Variants in RUFY4 observed in about 807,000 individuals in gnomAD.
RUFY4 encodes RUN and FYVE domain containing 4, also known as RUN and FYVE domain-containing protein 4.
A neutral mutation model predicts 69.0 loss-of-function variants in RUFY4; 73 were observed. That is an observed-to-expected ratio of 1.06 (90% CI 0.88 to 1.29). The LOEUF (loss-of-function observed/expected upper bound fraction) is 1.29, where lower values mean the gene tolerates loss of function less well. Ranked by LOEUF, RUFY4 falls within the 50% of genes most tolerant of loss-of-function variation. The pLI is 0.00. For missense variants in RUFY4, 770 were observed against 705.6 expected (o/e 1.09, Z -1.03); for synonymous variants, 287 against 271.8 (o/e 1.06, Z -0.55).
chr2:218,062,689 C>T (rs776134860), intron 3 of RUFY4, among the ~76,000 whole-genome samples: 4 of 151,694 alleles, frequency 2.6e-5, no homozygotes, highest in Admixed American at 1.3e-4. Context: ...CCAGCCTGGG[C>T]GACAGAGCAA....
chr2:218,084,194 G>T (rs1689835601), intron 9 of RUFY4, among the ~76,000 whole-genome samples: 1 of 151,938 alleles, frequency 6.6e-6, no homozygotes, highest in African/African-American at 2.4e-5. Context: ...GTGGACTCAG[G>T]TTCCATTAAA....
At chr2:218,053,751 G>A (rs1416556324) in intron 2 of RUFY4, among the ~76,000 whole-genome samples, 2 of 152,130 alleles carry the variant, frequency 1.3e-5, no homozygotes, top group Non-Finnish European at 2.9e-5. Flanking sequence ...GCCCGCCTCG[G>A]CCTCCCAAAG....
chr2:218,057,389 T>C (rs1410430685), intron 2 of RUFY4, among the ~76,000 whole-genome samples: 1 of 152,230 alleles, frequency 6.6e-6, no homozygotes, highest in Non-Finnish European at 1.5e-5. Context: ...AATCTACATA[T>C]ATTATAATTT....
intron 2 of RUFY4, among the ~76,000 whole-genome samples, chr2:218,044,894 A>G (rs1374013213): frequency 1.3e-5 from 2 of 152,238 alleles, no homozygotes; most frequent in Admixed American, 6.5e-5. Flanking sequence ...TAGTGCTGCA[A>G]TGAACATATG....
At chr2:218,040,591 A>G (rs990776906) in intron 2 of RUFY4, among the ~76,000 whole-genome samples, 9 of 152,112 alleles carry the variant, frequency 5.9e-5, no homozygotes, top group Admixed American at 5.2e-4. Flanking sequence ...CTGACTTCAT[A>G]CCTGGAGGCA....
At chr2:218,049,916 C>A (rs1291541859) in intron 2 of RUFY4, among the ~76,000 whole-genome samples, 2 of 152,174 alleles carry the variant, frequency 1.3e-5, no homozygotes, top group Non-Finnish European at 2.9e-5. Flanking sequence ...AGGAGACAGA[C>A]AAATTCCTAG....
intron 9 of RUFY4, among the ~76,000 whole-genome samples, chr2:218,088,968 C>CCT (rs36011581): frequency 0.089 from 13,273 of 149,642 alleles, 706 homozygotes; most frequent in South Asian, 0.15. Context: ...TCTCTCCACC[C>CCT]CTCTCTCTCT....
intron 2 of RUFY4, among the ~76,000 whole-genome samples, chr2:218,044,801 A>G (rs1194276560): frequency 1.3e-5 from 2 of 152,218 alleles, no homozygotes; most frequent in Non-Finnish European, 2.9e-5. Flanking sequence ...ATAGTATTCC[A>G]TGGTGTATAT....
intron 2 of RUFY4, among the ~76,000 whole-genome samples, chr2:218,053,138 T>C (rs1475033854): frequency 1.3e-5 from 2 of 152,034 alleles, no homozygotes; most frequent in African/African-American, 4.8e-5. Flanking sequence ...GATTCTATTT[T>C]AATTAAATGT....
intron 2 of RUFY4, among the ~76,000 whole-genome samples, chr2:218,071,441 C>T (rs1031234301): frequency 6.6e-6 from 1 of 152,136 alleles, no homozygotes; most frequent in Non-Finnish European, 1.5e-5. Flanking sequence ...GGGCTCTCCC[C>T]TCTACTTAGA....
At chr2:218,075,223 A>G in exon 7 of RUFY4, 1 of 1,563,954 alleles carries the variant, frequency 6.4e-7, no homozygotes, top group African/African-American at 1.4e-5. Flanking sequence ...CAACAAAGGC[A>G]TCTTCCTTTC....
chr2:218,082,402 T>C (rs1689781936), intron 8 of RUFY4, among the ~76,000 whole-genome samples: 1 of 152,072 alleles, frequency 6.6e-6, no homozygotes, highest in Non-Finnish European at 1.5e-5. Context: ...AGAGCTGCCA[T>C]GATGGTGAAC....
upstream of RUFY4, among the ~76,000 whole-genome samples, chr2:218,064,437 A>T (rs778396763): frequency 5.9e-5 from 9 of 152,132 alleles, no homozygotes; most frequent in Admixed American, 1.3e-4. Flanking sequence ...TGCTGATCCC[A>T]TTCGGGGCTC....
upstream of RUFY4, among the ~76,000 whole-genome samples, chr2:218,064,372 C>T (rs1689272976): frequency 6.6e-6 from 1 of 152,214 alleles, no homozygotes; most frequent in Non-Finnish European, 1.5e-5. Context: ...TCCTCTCCAA[C>T]TCCCTGCCCT....
intron 5 of RUFY4, among the ~76,000 whole-genome samples, chr2:218,073,606 G>A (rs1031751170): frequency 6.6e-6 from 1 of 152,206 alleles, no homozygotes; most frequent in Admixed American, 6.5e-5. Flanking sequence ...CTGGGTGGTT[G>A]AGGTGGAGGG....
upstream of RUFY4, among the ~76,000 whole-genome samples, chr2:218,069,765 G>A (rs1024637899): frequency 2.6e-5 from 4 of 152,046 alleles, no homozygotes; most frequent in African/African-American, 4.8e-5. Context: ...GCCACAGCCC[G>A]GGAGGCAGGA....
chr2:218,051,121 C>T (rs1229168722), intron 2 of RUFY4, among the ~76,000 whole-genome samples: 3 of 152,090 alleles, frequency 2.0e-5, no homozygotes, highest in Non-Finnish European at 4.4e-5. Flanking sequence ...GCAATCTTCC[C>T]ACCTCAGCCT....
chr2:218,072,845 G>A lies in RUFY4; in HGVS notation c.346G>A (p.Glu116Lys), dbSNP rs977400836. 4 of 1,536,122 alleles carry A rather than the reference G, an allele frequency of 2.6e-6. No individual in the cohort carries two copies. In the South Asian group the frequency reaches 4.8e-5, roughly 18 times the overall value. ...CTGCCTGGCCCGTGGGCAGCTGGCT[G>A]AGGCCCTGCAGCTTTGCCTCCTGAA... The change falls in exon 4 of 11, where the codon GAG (glutamate) becomes AAG (lysine). Residue 116 changes from glutamate (E) to lysine (K), a missense_variant. Glu to Lys is a moderately conservative substitution (Grantham distance 56). Transcript: ENST00000344321.
At chr2:218,047,424 T>C (rs2106029459) in intron 2 of RUFY4, among the ~76,000 whole-genome samples, 1 of 152,282 alleles carries the variant, frequency 6.6e-6, no homozygotes, top group South Asian at 2.1e-4. Context: ...CTTAGTCTTT[T>C]TCTCCTTTTT....
Sources: allele counts gnomAD v4.1 joint callset (sites outside exome capture counted in the v4.1 genomes callset), GRCh38; gene constraint gnomAD v4.1.1; transcripts MANE v1.5; gene names NCBI Gene and HGNC (gene_info 2026-07-23, HGNC 2026-07-21).